Variants in COL14A1 observed in about 807,000 individuals in gnomAD.
The protein encoded by COL14A1 is collagen type XIV alpha 1 chain, also known as collagen alpha-1(XIV) chain.
COL14A1 carries 136 observed loss-of-function variants against 230.3 expected under a neutral mutation model. The observed-to-expected ratio is 0.59, with a 90% CI of 0.51 to 0.68. The LOEUF is 0.68. Among genes scored for constraint, COL14A1 ranks in the 30% least tolerant of loss-of-function variants. The probability of loss-of-function intolerance (pLI) is 0.00; values close to 1 mark genes in which losing one functional copy is unlikely to be tolerated. For synonymous variants in COL14A1, 792 were observed against 784.1 expected (o/e 1.01, Z -0.17); for missense variants, 1,976 against 2,215.8 (o/e 0.89, Z 2.17).
At chr8:120,248,517 G>C (rs572034326) in intron 21 of COL14A1, among the ~76,000 whole-genome samples, 54 of 152,284 alleles carry the variant, frequency 3.5e-4, no homozygotes, top group African/African-American at 1.3e-3. Flanking sequence ...TAGTTGTTCA[G>C]CAGAAAGGGC....
intron 13 of COL14A1, 75 bp from the exon 14 acceptor site, chr8:120,216,276 A>T (rs1406324554): frequency 1.6e-6 from 2 of 1,231,322 alleles, no homozygotes; most frequent in Non-Finnish European, 2.3e-6. Context: ...ATAGTTTAGA[A>T]GTCAAAGATG....
At chr8:120,368,606 C>CAAAAAAAAAAAAAAAAAAAA (rs11342918) in intron 46 of COL14A1, among the ~76,000 whole-genome samples, 1 of 118,510 alleles carries the variant, frequency 8.4e-6, no homozygotes, top group Non-Finnish European at 1.9e-5. Flanking sequence ...GCATACAAGC[C>CAAAAAAAAAAAAAAAAAAAA]AAAAAAAAAA....
chr8:120,327,818 G>T (rs1821733947), intron 40 of COL14A1, among the ~76,000 whole-genome samples: 2 of 150,156 alleles, frequency 1.3e-5, no homozygotes, highest in Non-Finnish European at 2.9e-5. Flanking sequence ...CCACTGGAGT[G>T]CAGTGGTGCA....
chr8:120,251,204 T>C (rs550291658), intron 22 of COL14A1, among the ~76,000 whole-genome samples: 29 of 152,320 alleles, frequency 1.9e-4, no homozygotes, highest in Non-Finnish European at 3.1e-4. Context: ...TGCTTTTTAT[T>C]TGGGGTAGTT....
chr8:120,215,946 G>A (rs1027732122), intron 13 of COL14A1, among the ~76,000 whole-genome samples: 6 of 152,162 alleles, frequency 3.9e-5, no homozygotes, highest in African/African-American at 9.7e-5. Flanking sequence ...TTTTACATGT[G>A]GAAAATTGTG....
At chr8:120,291,247 A>C (rs779112554) in intron 34 of COL14A1, among the ~76,000 whole-genome samples, 1 of 152,138 alleles carries the variant, frequency 6.6e-6, no homozygotes, top group African/African-American at 2.4e-5. Context: ...TGGATGATGA[A>C]TGAATAGACT....
Position 120,147,790 on chromosome 8 carries a change from TTC to T in COL14A1, c.-37-10_-37-9del. The T allele has an allele frequency of 1.5e-6, 2 of 1,352,556 alleles. No individual in the cohort carries two copies. 83.8% of individuals were successfully genotyped at this position (1,352,556 alleles called of 1,614,324 possible). A position where few individuals can be genotyped will look rare whatever the true frequency, so the allele number is the denominator to read the frequency against. On this transcript the variant is annotated splice_polypyrimidine_tract_variant and intron_variant, in intron 1 of 47. Transcript: ENST00000297848. ...TTCAGCCTTCTCAAAAATGTTCCTGTTCTCTCTGTTTCTAGGTGGCTGCTACA... is the reference window on the plus strand; with the variant it reads ...TTCAGCCTTCTCAAAAATGTTCCTGTTCTCTGTTTCTAGGTGGCTGCTACA...
At chr8:120,176,297 G>A (rs1046883542) in intron 5 of COL14A1, among the ~76,000 whole-genome samples, 1 of 152,158 alleles carries the variant, frequency 6.6e-6, no homozygotes, top group African/African-American at 2.4e-5. Flanking sequence ...CTACCCTCAT[G>A]GAGCTTACAT....
intron 12 of COL14A1, 130 bp downstream of exon 12, chr8:120,210,031 T>A: frequency 3.0e-6 from 2 of 673,048 alleles, no homozygotes; most frequent in Non-Finnish European, 4.2e-6. Context: ...AAAACACTTA[T>A]AATCCCACCA....
At chr8:120,146,279 T>C (rs2130457948) in intron 1 of COL14A1, among the ~76,000 whole-genome samples, 1 of 152,316 alleles carries the variant, frequency 6.6e-6, no homozygotes, top group South Asian at 2.1e-4. Flanking sequence ...ATGGGAAAAC[T>C]TCTACTCAGC....
chr8:120,167,317 C>CT (rs1450914328), intron 4 of COL14A1, among the ~76,000 whole-genome samples: 1 of 150,712 alleles, frequency 6.6e-6, no homozygotes, highest in African/African-American at 2.4e-5. Flanking sequence ...CCCTATGTAG[C>CT]TTACCCTTTA....
chr8:120,222,373 G>A (rs916348228), intron 14 of COL14A1, among the ~76,000 whole-genome samples: 2 of 152,224 alleles, frequency 1.3e-5, no homozygotes, highest in African/African-American at 4.8e-5. Context: ...TACAGCCTAG[G>A]AGCATGCAGC....
rs1326761532 is a variant in COL14A1 at position 120,281,194 on chromosome 8, A to C, written c.3824+135A>C. 6.2e-6 allele frequency: 5 copies of C among 807,180 alleles called. No individual in the cohort carries two copies. The African/African-American group carries it at 7.1e-5, about 11-fold the overall frequency. 50.0% of individuals were successfully genotyped at this position (807,180 alleles called of 1,614,324 possible). A position where few individuals can be genotyped will look rare whatever the true frequency, so the allele number is the denominator to read the frequency against. On this transcript the variant is annotated intron_variant, in intron 31 of 47. Transcript: ENST00000297848. ...GACATTTAGAGTAGAAGATATTTAC[A>C]TTTCTTTGTTTAAAAACACCAGACT...
At chr8:120,206,550 T>A (rs550018516) in intron 9 of COL14A1, among the ~76,000 whole-genome samples, 1 of 152,236 alleles carries the variant, frequency 6.6e-6, no homozygotes, top group Admixed American at 6.5e-5. Context: ...GGTTTTGCCA[T>A]GTTGGCCAGG....
intron 42 of COL14A1, among the ~76,000 whole-genome samples, chr8:120,333,870 C>G (rs1315932502): frequency 2.0e-5 from 3 of 152,324 alleles, no homozygotes; most frequent in East Asian, 3.9e-4. Flanking sequence ...AGTCACTTCT[C>G]TCTGACAACA....
At chr8:120,139,211 T>C (rs1814814287) in intron 1 of COL14A1, among the ~76,000 whole-genome samples, 1 of 152,266 alleles carries the variant, frequency 6.6e-6, no homozygotes, top group African/African-American at 2.4e-5. Flanking sequence ...TGAAAACTTC[T>C]GTTATGTGTC....
intron 34 of COL14A1, 79 bp downstream of exon 34, chr8:120,289,845 G>A: frequency 1.4e-6 from 2 of 1,438,480 alleles, no homozygotes; most frequent in Non-Finnish European, 1.9e-6. Context: ...ATTTTCCAGG[G>A]GAAAGGTTTA....
At chr8:120,320,122 C>T (rs943252454) in intron 40 of COL14A1, among the ~76,000 whole-genome samples, 7 of 152,114 alleles carry the variant, frequency 4.6e-5, no homozygotes, top group Admixed American at 2.6e-4. Flanking sequence ...ACATGGATTA[C>T]TTCATGTTTC....
At chr8:120,157,527 A>G (rs1323163847) in intron 2 of COL14A1, among the ~76,000 whole-genome samples, 1 of 152,212 alleles carries the variant, frequency 6.6e-6, no homozygotes, top group Non-Finnish European at 1.5e-5. Flanking sequence ...ATTAGCTTCA[A>G]TTATTAAACT....
Sources: gnomAD v4.1 joint callset for allele counts (sites outside exome capture counted in the v4.1 genomes callset) on GRCh38, gnomAD v4.1.1 for gene constraint, MANE v1.5 for transcripts, NCBI Gene and HGNC (gene_info 2026-07-23, HGNC 2026-07-21) for gene names.